OLFM3: variants seen among roughly 807,000 people sequenced by gnomAD.
OLFM3 encodes noelin-3.
A neutral mutation model predicts 48.6 loss-of-function variants in OLFM3; 20 were observed. That is an observed-to-expected ratio of 0.41 (90% CI 0.29 to 0.60). The LOEUF is 0.60. Ranked by LOEUF, OLFM3 falls within the 20% of genes least tolerant of loss-of-function variation. The pLI, the probability that OLFM3 is intolerant of heterozygous loss-of-function variation, is 0.28. For missense variants in OLFM3, 437 were observed against 544.3 expected (o/e 0.80, Z 1.96); for synonymous variants, 222 against 198.1 (o/e 1.12, Z -1.01).
intron 1 of OLFM3, among the ~76,000 whole-genome samples, chr1:101,913,672 T>C (rs1174919558): frequency 7.6e-6 from 1 of 131,854 alleles, no homozygotes; most frequent in Non-Finnish European, 1.6e-5. Context: ...ACCTTAATCC[T>C]AAAAGCCCTA....
At chr1:101,810,566 T>C (rs1654001074) in intron 4 of OLFM3, among the ~76,000 whole-genome samples, 1 of 151,930 alleles carries the variant, frequency 6.6e-6, no homozygotes, top group African/African-American at 2.4e-5. Flanking sequence ...AAAATCACAT[T>C]TATATATTCC....
intron 1 of OLFM3, among the ~76,000 whole-genome samples, chr1:101,927,676 T>G (rs1365990050): frequency 6.6e-6 from 1 of 150,834 alleles, no homozygotes; most frequent in Non-Finnish European, 1.5e-5. Flanking sequence ...AATATACTGT[T>G]TTTGCAAAAG....
chr1:101,811,887 G>A (rs567983939), intron 4 of OLFM3, among the ~76,000 whole-genome samples: 6 of 152,202 alleles, frequency 3.9e-5, no homozygotes, highest in African/African-American at 1.2e-4. Flanking sequence ...ACATGCACAC[G>A]TATGTTTATT....
intron 1 of OLFM3, among the ~76,000 whole-genome samples, chr1:101,881,744 A>G (rs1214871511): frequency 1.3e-5 from 2 of 151,776 alleles, no homozygotes; most frequent in Non-Finnish European, 2.9e-5. Flanking sequence ...GAATTACAAA[A>G]GTCCAGCCAC....
chr1:101,843,865 A>AG (rs1655852207), intron 1 of OLFM3, among the ~76,000 whole-genome samples: 1 of 152,128 alleles, frequency 6.6e-6, no homozygotes, highest in African/African-American at 2.4e-5. Context: ...TATTTATGTT[A>AG]ATCTGTTTTT....
chr1:101,881,762 C>T (rs544892314), intron 1 of OLFM3, among the ~76,000 whole-genome samples: 1 of 151,720 alleles, frequency 6.6e-6, no homozygotes, highest in East Asian at 2.0e-4. Flanking sequence ...CACTGTCATC[C>T]TCCTGAGTTA....
chr1:101,861,262 A>G (rs1656644341), intron 1 of OLFM3, among the ~76,000 whole-genome samples: 1 of 151,396 alleles, frequency 6.6e-6, no homozygotes, highest in Admixed American at 6.6e-5. Context: ...GGGTTTCACT[A>G]TGTTAGCCAG....
chr1:101,937,482 C>T (rs936915871), intron 1 of OLFM3, among the ~76,000 whole-genome samples: 8 of 152,204 alleles, frequency 5.3e-5, no homozygotes, highest in African/African-American at 1.7e-4. Context: ...TCATGGCGGC[C>T]GGTCTTTCTC....
At chr1:101,942,658 T>C (rs1659830602) in intron 1 of OLFM3, among the ~76,000 whole-genome samples, 2 of 152,192 alleles carry the variant, frequency 1.3e-5, no homozygotes, top group Admixed American at 6.5e-5. Flanking sequence ...CCTGTCCTAA[T>C]TGGTAGCCAT....
intron 1 of OLFM3, among the ~76,000 whole-genome samples, chr1:101,856,430 C>T (rs1656410870): frequency 6.6e-6 from 1 of 151,944 alleles, no homozygotes; most frequent in East Asian, 1.9e-4. Context: ...AAAACTGTTT[C>T]AGGAGGACAT....
intron 1 of OLFM3, among the ~76,000 whole-genome samples, chr1:101,984,081 T>G (rs2101112259): frequency 6.6e-6 from 1 of 151,922 alleles, no homozygotes; most frequent in East Asian, 1.9e-4. Context: ...AAACCGCAGC[T>G]CTACAAAAAT....
At chr1:101,870,144 T>C (rs1325478366) in intron 1 of OLFM3, among the ~76,000 whole-genome samples, 1 of 152,164 alleles carries the variant, frequency 6.6e-6, no homozygotes, top group African/African-American at 2.4e-5. Context: ...ATGTAGTTGA[T>C]GGAAAATTGT....
At chr1:101,992,445 T>G (rs894055420) in intron 1 of OLFM3, among the ~76,000 whole-genome samples, 3 of 152,166 alleles carry the variant, frequency 2.0e-5, no homozygotes, top group Non-Finnish European at 4.4e-5. Context: ...TTTTGCCACA[T>G]CAGGGTTTAC....
At chr1:101,903,979 T>G (rs1300972129) in intron 1 of OLFM3, among the ~76,000 whole-genome samples, 3 of 152,068 alleles carry the variant, frequency 2.0e-5, no homozygotes, top group African/African-American at 7.2e-5. Flanking sequence ...TTTTATTACT[T>G]TTTTATTCAG....
intron 1 of OLFM3, chr1:101,893,317 T>C (rs1658075607): frequency 2.7e-6 from 1 of 373,862 alleles, no homozygotes; most frequent in Non-Finnish European, 5.4e-6. Context: ...TAAGAATTCA[T>C]CAGATAGAAC....
intron 1 of OLFM3, among the ~76,000 whole-genome samples, chr1:101,960,011 G>A (rs1269892820): frequency 6.6e-6 from 1 of 152,100 alleles, no homozygotes; most frequent in Admixed American, 6.6e-5. Flanking sequence ...GAGGATAAAA[G>A]TGTTTCTTTT....
intron 1 of OLFM3, among the ~76,000 whole-genome samples, chr1:101,943,050 T>A (rs914099149): frequency 2.6e-5 from 4 of 152,182 alleles, no homozygotes; most frequent in African/African-American, 9.7e-5. Context: ...TAATGGGGCA[T>A]CGTGATGGTC....
At chr1:101,903,187 G>A (rs115685202) in intron 1 of OLFM3, among the ~76,000 whole-genome samples, 178 of 152,190 alleles carry the variant, frequency 1.2e-3, no homozygotes, top group African/African-American at 4.0e-3. Flanking sequence ...GACTGACACT[G>A]GAGTCCAGTC....
rs528266106 is a variant in OLFM3 at position 101,920,143 on chromosome 1, CTGTT to C, written c.69+76601_69+76604del. ...TTCCCTGATTTCCTAATTGGTCTCT[CTGTT>C]TGTGTTGCTTCCCTACATTACATTT... On this transcript the variant is annotated intron_variant, in intron 1 of 5. Coordinates refer to ENST00000370103, the MANE Select transcript of OLFM3 (RefSeq NM_058170.4). Among the ~76,000 whole-genome samples the C allele has an allele frequency of 1.4e-3, 215 of 152,306 alleles. 3 individuals are homozygous for C. Among genetic ancestry groups the C allele is most frequent in the African/African-American group, 4.9e-3 (204 of 41,588 alleles).
Sources: allele counts gnomAD v4.1 joint callset (sites outside exome capture counted in the v4.1 genomes callset), GRCh38; gene constraint gnomAD v4.1.1; transcripts MANE v1.5; gene names NCBI Gene and HGNC (gene_info 2026-07-23, HGNC 2026-07-21).